The following CPQ variants were observed in gnomAD, a reference collection of about 807,000 sequenced individuals.
CPQ encodes carboxypeptidase Q.
Under a neutral mutation model 45.7 loss-of-function variants are expected in CPQ, and 37 were observed. The observed-to-expected ratio is 0.81, with a 90% CI of 0.62 to 1.07. CPQ has a LOEUF of 1.07. CPQ is among the 50% of genes least tolerant of loss of function. The pLI is 0.00. For missense variants in CPQ, 537 were observed against 572.9 expected (o/e 0.94, Z 0.64); for synonymous variants, 186 against 205.8 (o/e 0.90, Z 0.82).
chr8:96,814,097 A>G (rs1811194937), intron 2 of CPQ, among the ~76,000 whole-genome samples: 1 of 152,008 alleles, frequency 6.6e-6, no homozygotes, highest in African/African-American at 2.4e-5. Flanking sequence ...CAAATAACGT[A>G]TTTTGGGGGG....
intron 1 of CPQ, among the ~76,000 whole-genome samples, chr8:96,669,326 A>G (rs745344816): frequency 3.9e-5 from 6 of 152,190 alleles, no homozygotes; most frequent in Non-Finnish European, 7.3e-5. Context: ...AGTGGATACC[A>G]CATGGAGGAT....
chr8:97,143,275 A>C lies in CPQ; in HGVS notation c.*92A>C. ...TCCTCTTCACATAACAATTTCATCC[A>C]ATTCATCTTCAAAGCACAACTCTAT... On this transcript the variant is annotated 3_prime_UTR_variant, in exon 8 of 8. Coordinates refer to ENST00000220763, the MANE Select transcript of CPQ (RefSeq NM_016134.4). 1 of 1,185,484 alleles carries C rather than the reference A, an allele frequency of 8.4e-7. No homozygotes were observed. The highest frequency in any genetic ancestry group is 2.4e-5 in the East Asian group (1 of 42,402). The allele number at this position is 1,185,484 out of a possible 1,614,324, so 73.4% of individuals were successfully genotyped here. A position where few individuals can be genotyped will look rare whatever the true frequency, so the allele number is the denominator to read the frequency against.
intron 5 of CPQ, among the ~76,000 whole-genome samples, chr8:96,976,026 A>G (rs919799636): frequency 6.6e-6 from 1 of 152,036 alleles, no homozygotes; most frequent in Non-Finnish European, 1.5e-5. Context: ...GTGCATCCCA[A>G]TCAGTAAAGA....
chr8:96,832,769 G>A (rs1241673775), intron 2 of CPQ, among the ~76,000 whole-genome samples: 9 of 152,168 alleles, frequency 5.9e-5, no homozygotes, highest in African/African-American at 2.2e-4. Context: ...ACAGGGAAAA[G>A]TGTCTGTATA....
Position 96,776,008 on chromosome 8 carries a change from A to G in CPQ, c.-34-8856A>G, listed in dbSNP as rs139618616. Among the ~76,000 whole-genome samples the G allele has an allele frequency of 5.1e-4, 77 of 152,352 alleles. 1 individual carries two copies. Among genetic ancestry groups the G allele is most frequent in the African/African-American group, 1.9e-3 (77 of 41,590 alleles). On this transcript the variant is annotated intron_variant, in intron 1 of 7. Transcript: ENST00000220763. ...AATAGGGAATTAAGTGTCTACCAAT[A>G]GTAGGAACTGGGTTTTCCTTATGTT...
chr8:97,060,089 A>G (rs1239588596), intron 6 of CPQ, among the ~76,000 whole-genome samples: 2 of 152,184 alleles, frequency 1.3e-5, no homozygotes, highest in Non-Finnish European at 2.9e-5. Flanking sequence ...TGAGAAGATA[A>G]AAAACTTTTA....
rs570593447 is a variant in CPQ, at chr8:97,027,615, C to G, written c.962-1788C>G. 6.6e-5 allele frequency among the ~76,000 whole-genome samples: 10 copies of G among 152,214 alleles called. No homozygotes were observed. The East Asian group carries it at 1.4e-3, about 21-fold the overall frequency. On this transcript the variant is annotated intron_variant, in intron 5 of 7. Coordinates refer to ENST00000220763, the MANE Select transcript of CPQ (RefSeq NM_016134.4). ...AGCAGGATTTACCAGATCTGTCTGC[C>G]TTTTTCAAATATAACACCTTGCCTG...
chr8:96,682,049 G>C (rs1809159439), intron 1 of CPQ, among the ~76,000 whole-genome samples: 1 of 152,212 alleles, frequency 6.6e-6, no homozygotes, highest in Non-Finnish European at 1.5e-5. Context: ...CCTTCACTAA[G>C]ATGAAACTTT....
intron 1 of CPQ, among the ~76,000 whole-genome samples, chr8:96,749,310 A>G (rs972328898): frequency 2.0e-5 from 3 of 152,210 alleles, no homozygotes; most frequent in African/African-American, 7.2e-5. Flanking sequence ...GCTCTGGGAA[A>G]TAGTTTAACT....
intron 3 of CPQ, among the ~76,000 whole-genome samples, chr8:96,858,430 C>T (rs1480509380): frequency 6.6e-6 from 1 of 152,166 alleles, no homozygotes; most frequent in Non-Finnish European, 1.5e-5. Context: ...TTCTGGGTTC[C>T]TTGCACAGCA....
intron 2 of CPQ, among the ~76,000 whole-genome samples, chr8:96,794,349 G>C (rs972157956): frequency 6.6e-6 from 1 of 152,178 alleles, no homozygotes; most frequent in African/African-American, 2.4e-5. Flanking sequence ...TGAAGCCGTG[G>C]TTCAGATTCT....
intron 1 of CPQ, among the ~76,000 whole-genome samples, chr8:96,706,106 T>A (rs1273476333): frequency 1.3e-5 from 2 of 152,172 alleles, no homozygotes; most frequent in Non-Finnish European, 2.9e-5. Flanking sequence ...GTTAAAGGCT[T>A]GCTGACAGCC....
At chr8:96,953,308 G>A (rs1044159066) in intron 4 of CPQ, among the ~76,000 whole-genome samples, 9 of 152,086 alleles carry the variant, frequency 5.9e-5, no homozygotes, top group African/African-American at 1.9e-4. Context: ...TTGCACCTCT[G>A]CTTGAACACT....
intron 4 of CPQ, among the ~76,000 whole-genome samples, chr8:96,953,370 G>T (rs1183662922): frequency 6.6e-6 from 1 of 152,092 alleles, no homozygotes; most frequent in East Asian, 1.9e-4. Flanking sequence ...TTGTGGGACT[G>T]CTCAGGTTTA....
At chr8:96,935,939 TA>T (rs1367278525) in intron 4 of CPQ, among the ~76,000 whole-genome samples, 6 of 152,148 alleles carry the variant, frequency 3.9e-5, no homozygotes, top group Admixed American at 3.9e-4. Flanking sequence ...CAAATTTGTC[TA>T]CCTCTTTTTT....
chr8:96,649,143 A>C (rs935779689), intron 1 of CPQ, among the ~76,000 whole-genome samples: 2 of 152,058 alleles, frequency 1.3e-5, no homozygotes, highest in Non-Finnish European at 2.9e-5. Context: ...AGCCTGGCTA[A>C]TTTTTTTATT....
chr8:96,999,440 T>C (rs1234077270), intron 5 of CPQ, among the ~76,000 whole-genome samples: 3 of 151,978 alleles, frequency 2.0e-5, no homozygotes, highest in Non-Finnish European at 4.4e-5. Flanking sequence ...CCTCTACATG[T>C]TCATGTGTTC....
At chr8:96,725,738 T>C (rs1271257235) in intron 1 of CPQ, among the ~76,000 whole-genome samples, 1 of 152,156 alleles carries the variant, frequency 6.6e-6, no homozygotes, top group African/African-American at 2.4e-5. Context: ...ATTTGGTATA[T>C]ACCCAAAAGA....
intron 1 of CPQ, among the ~76,000 whole-genome samples, chr8:96,754,593 T>C (rs16895068): frequency 0.018 from 2,683 of 152,146 alleles, 157 homozygotes; most frequent in East Asian, 0.18. Context: ...TAACATTTGC[T>C]AAATTTTCCA....
Sources: allele counts gnomAD v4.1 joint callset (sites outside exome capture counted in the v4.1 genomes callset), GRCh38; gene constraint gnomAD v4.1.1; transcripts MANE v1.5; gene names NCBI Gene and HGNC (gene_info 2026-07-23, HGNC 2026-07-21).